The following BTBD9 variants were observed in gnomAD, a reference collection of about 807,000 sequenced individuals.
The protein encoded by BTBD9 is BTB domain containing 9.
Under a neutral mutation model 64.3 loss-of-function variants are expected in BTBD9, and 49 were observed. The observed-to-expected ratio is 0.76, with a 90% CI of 0.61 to 0.97. The LOEUF is 0.97. Among genes scored for constraint, BTBD9 ranks in the 50% least tolerant of loss-of-function variants. The pLI is 0.00. For synonymous variants in BTBD9, 260 were observed against 274.7 expected, an observed-to-expected ratio of 0.95 and a Z score of 0.53; for missense variants, 598 against 762.1, an observed-to-expected ratio of 0.78 and a Z score of 2.53.
intron 6 of BTBD9, among the ~76,000 whole-genome samples, chr6:38,471,822 A>G (rs1455087675): frequency 6.6e-6 from 1 of 152,240 alleles, no homozygotes; most frequent in East Asian, 1.9e-4. Context: ...ATGTCTCTTC[A>G]TTACCAAAAA....
intron 7 of BTBD9, 27 bp downstream of exon 7, chr6:38,344,956 CA>C (rs780971513): frequency 7.3e-7 from 1 of 1,375,162 alleles, no homozygotes; most frequent in South Asian, 1.2e-5. Context: ...TCCAAATATA[CA>C]TACAAAAATC....
intron 6 of BTBD9, among the ~76,000 whole-genome samples, chr6:38,381,382 G>T (rs571639226): frequency 6.6e-6 from 1 of 152,100 alleles, no homozygotes; most frequent in Non-Finnish European, 1.5e-5. Flanking sequence ...ACTATATACT[G>T]ATAAAAGGTT....
intron 6 of BTBD9, among the ~76,000 whole-genome samples, chr6:38,496,437 G>T (rs986692275): frequency 6.6e-6 from 1 of 151,860 alleles, no homozygotes; most frequent in African/African-American, 2.4e-5. Flanking sequence ...GAGCCCAGGA[G>T]TTCAAGACCA....
At chr6:38,415,470 G>A (rs2814895) in intron 6 of BTBD9, among the ~76,000 whole-genome samples, 77,494 of 151,910 alleles carry the variant, frequency 0.51, 20,304 homozygotes, top group African/African-American at 0.65. Context: ...CAGCCCTGAT[G>A]ACATCTTGAT....
chr6:38,179,481 C>T (rs1182842652), intron 10 of BTBD9: 1 of 456,784 alleles, frequency 2.2e-6, no homozygotes, highest in Non-Finnish European at 4.4e-6. Context: ...GCTCCAGTTA[C>T]AGCAGCTCAG....
At chr6:38,448,761 G>A (rs1220898960) in intron 6 of BTBD9, among the ~76,000 whole-genome samples, 2 of 152,112 alleles carry the variant, frequency 1.3e-5, no homozygotes, top group East Asian at 1.9e-4. Context: ...CAAGTGATCC[G>A]CCTGCCTCGG....
At chr6:38,396,962 C>T (rs1373045014) in intron 6 of BTBD9, among the ~76,000 whole-genome samples, 2 of 134,000 alleles carry the variant, frequency 1.5e-5, no homozygotes, top group East Asian at 4.5e-4. Flanking sequence ...AGTGTAGTGG[C>T]GCAATCTCGG....
chr6:38,400,052 G>A (rs551020236), intron 6 of BTBD9, among the ~76,000 whole-genome samples: 2 of 151,906 alleles, frequency 1.3e-5, no homozygotes, highest in South Asian at 4.2e-4. Context: ...GTGAGCCACT[G>A]TGCCTGGCCT....
intron 9 of BTBD9, among the ~76,000 whole-genome samples, chr6:38,195,729 TTTTA>T: frequency 6.6e-6 from 1 of 152,114 alleles, no homozygotes; most frequent in East Asian, 1.9e-4. Flanking sequence ...TTTAATTATT[TTTTA>T]TTTAATAAAA....
At chr6:38,527,175 C>G (rs1773540205) in intron 6 of BTBD9, among the ~76,000 whole-genome samples, 1 of 136,550 alleles carries the variant, frequency 7.3e-6, no homozygotes, top group African/African-American at 2.7e-5. Context: ...ACCTGGGAGG[C>G]TGAGGCAGGA....
At chr6:38,192,241 G>A (rs962640513) in intron 10 of BTBD9, among the ~76,000 whole-genome samples, 1 of 152,210 alleles carries the variant, frequency 6.6e-6, no homozygotes, top group African/African-American at 2.4e-5. Context: ...ACAAGGGATG[G>A]GGTGTTTGAC....
chr6:38,509,994 T>C (rs1277542913), intron 6 of BTBD9, among the ~76,000 whole-genome samples: 1 of 152,224 alleles, frequency 6.6e-6, no homozygotes, highest in African/African-American at 2.4e-5. Flanking sequence ...CAAAGATTAC[T>C]ATGCAAATCC....
intron 9 of BTBD9, among the ~76,000 whole-genome samples, chr6:38,224,591 A>G (rs572644743): frequency 6.6e-6 from 1 of 152,368 alleles, no homozygotes; most frequent in African/African-American, 2.4e-5. Context: ...AGGTCTGAAC[A>G]AGAGTAAGGA....
At chr6:38,229,980 C>T (rs1316048673) in intron 9 of BTBD9, among the ~76,000 whole-genome samples, 1 of 152,152 alleles carries the variant, frequency 6.6e-6, no homozygotes, top group Admixed American at 6.5e-5. Context: ...CTAACAAGAC[C>T]TTTCTCTCCT....
intron 7 of BTBD9, among the ~76,000 whole-genome samples, chr6:38,299,818 T>G (rs958806207): frequency 1.9e-4 from 29 of 152,332 alleles, no homozygotes; most frequent in African/African-American, 7.0e-4. Context: ...GCCTGTTCAC[T>G]CTGATGGTAG....
intron 6 of BTBD9, among the ~76,000 whole-genome samples, chr6:38,549,586 G>GA (rs375072003): frequency 6.6e-4 from 97 of 146,396 alleles, no homozygotes; most frequent in African/African-American, 1.4e-3. Flanking sequence ...TCAGGAGAGG[G>GA]AAAAAAAAAA....
intron 4 of BTBD9, 34 bp from the exon 5 acceptor site, chr6:38,580,471 ATTAC>A: frequency 6.5e-7 from 1 of 1,539,080 alleles, no homozygotes; most frequent in East Asian, 2.3e-5. Flanking sequence ...AAGGTTAATG[ATTAC>A]TTATTTATTC....
intron 6 of BTBD9, among the ~76,000 whole-genome samples, chr6:38,381,892 T>C (rs1013064074): frequency 1.3e-5 from 2 of 152,072 alleles, no homozygotes; most frequent in East Asian, 3.9e-4. Flanking sequence ...TAATGGAAAT[T>C]AGAAAATACT....
chr6:38,569,560 T>C (rs1039823677), intron 6 of BTBD9, among the ~76,000 whole-genome samples: 2 of 152,172 alleles, frequency 1.3e-5, no homozygotes, highest in Non-Finnish European at 2.9e-5. Flanking sequence ...AGTAACATCA[T>C]CTCATGCAAT....
Sources: allele counts gnomAD v4.1 joint callset (sites outside exome capture counted in the v4.1 genomes callset), GRCh38; gene constraint gnomAD v4.1.1; transcripts MANE v1.5; gene names NCBI Gene and HGNC (gene_info 2026-07-23, HGNC 2026-07-21).